OPCML: variants seen among roughly 807,000 people sequenced by gnomAD.
The protein encoded by OPCML is opioid-binding protein/cell adhesion molecule.
Under a neutral mutation model 37.8 loss-of-function variants are expected in OPCML, and 13 were observed. That is an observed-to-expected ratio of 0.34 (90% CI 0.22 to 0.55). The LOEUF (loss-of-function observed/expected upper bound fraction) is 0.55. Among genes scored for constraint, OPCML ranks in the 20% least tolerant of loss-of-function variants. OPCML has a pLI of 0.91. For synonymous variants in OPCML, 176 were observed against 168.8 expected (o/e 1.04, Z -0.33); for missense variants, 341 against 435.6 (o/e 0.78, Z 1.93).
chr11:132,587,046 C>G (rs1354132128), intron 3 of OPCML, among the ~76,000 whole-genome samples: 1 of 152,132 alleles, frequency 6.6e-6, no homozygotes, highest in Non-Finnish European at 1.5e-5. Context: ...TGACTGAGAT[C>G]CAGAATAGAA....
rs1252666052 is a variant in OPCML at position 132,570,757 on chromosome 11, A to G, written c.380-41571T>C. ...CAGGGGAATAGGCAGGAAAGAGAGT[A>G]TATATATATATATATATATATATAT... is the stretch of plus-strand genomic sequence containing the variant. On this transcript the variant is annotated intron_variant, in intron 3 of 7. Transcript: ENST00000524381. 1.6e-4 allele frequency among the ~76,000 whole-genome samples: 6 copies of G among 36,956 alleles called. No homozygotes were observed. The South Asian group carries it at 5.6e-3, about 35-fold the overall frequency. 24.2% of individuals were successfully genotyped at this position (36,956 alleles called of 152,430 possible).
chr11:133,006,182 C>T (rs1036104515), intron 1 of OPCML: 28 of 931,414 alleles, frequency 3.0e-5, no homozygotes, highest in African/African-American at 1.6e-4. Context: ...TTGGGAAGTT[C>T]GCGCCATCTG....
At chr11:133,125,258 C>G (rs1399783795) in intron 1 of OPCML, among the ~76,000 whole-genome samples, 1 of 151,968 alleles carries the variant, frequency 6.6e-6, no homozygotes, top group African/African-American at 2.4e-5. Context: ...ACATCCCTTC[C>G]CTGGATTCAG....
rs189608195 is a variant in OPCML, at chr11:132,849,914, G to T, written c.146+93012C>A. Among the ~76,000 whole-genome samples, 7 of 152,306 alleles carry T rather than the reference G, an allele frequency of 4.6e-5. No homozygotes were observed. In the East Asian group the frequency reaches 1.4e-3, roughly 29 times the overall value. The stretch of plus-strand genomic sequence containing the variant: ...TGAATGACTGTGAAACTGTGTCATG[G>T]ATCTCTAAGTTCTTTGCTGTGTCCA... On this transcript the variant is annotated intron_variant, in intron 2 of 7. Coordinates refer to ENST00000524381, the MANE Select transcript of OPCML (RefSeq NM_001012393.5).
chr11:133,070,436 T>C lies in OPCML; in HGVS notation c.62-127426A>G, dbSNP rs944329594. On this transcript the variant is annotated intron_variant, in intron 1 of 7. Coordinates refer to ENST00000524381, the MANE Select transcript of OPCML (RefSeq NM_001012393.5). ...TTTAGGCTCAAGATTTCATAATCTCTACCCAGCATCGCCTGGGAGAAAGTG... is the reference window on the plus strand; with the variant it reads ...TTTAGGCTCAAGATTTCATAATCTCCACCCAGCATCGCCTGGGAGAAAGTG... 2.0e-5 allele frequency among the ~76,000 whole-genome samples: 3 copies of C among 152,156 alleles called. No homozygotes were observed. The East Asian group carries it at 5.8e-4, about 29-fold the overall frequency.
intron 2 of OPCML, among the ~76,000 whole-genome samples, chr11:132,810,082 C>T (rs1477478497): frequency 1.3e-5 from 2 of 152,094 alleles, no homozygotes; most frequent in Non-Finnish European, 2.9e-5. Context: ...AAGTCCTAAC[C>T]TCGTGATCCG....
chr11:132,749,172 A>G (rs1425427778), intron 2 of OPCML, among the ~76,000 whole-genome samples: 1 of 152,184 alleles, frequency 6.6e-6, no homozygotes, highest in Non-Finnish European at 1.5e-5. Flanking sequence ...GATAGCTGTC[A>G]GTGCCCAGAA....
chr11:132,642,816 C>A (rs1349351633), intron 3 of OPCML, among the ~76,000 whole-genome samples: 1 of 152,172 alleles, frequency 6.6e-6, no homozygotes, highest in African/African-American at 2.4e-5. Flanking sequence ...GTGGTCAAAC[C>A]AGGAGTGAAA....
At chr11:133,463,018 T>G (rs1287066998) in intron 1 of OPCML, among the ~76,000 whole-genome samples, 1 of 149,228 alleles carries the variant, frequency 6.7e-6, no homozygotes, top group East Asian at 2.0e-4. Context: ...GGAAGAAAAT[T>G]ATGACACAAG....
rs533728290 is a variant in OPCML at position 132,443,383 on chromosome 11, G to T, written c.506-6024C>A. ...GTGGGCAGAGGGTGGCCACCCAGGG[G>T]TCTTTTTGGCTCACATGGTTGGGTT... On this transcript the variant is annotated intron_variant, in intron 4 of 7. Coordinates refer to ENST00000524381, the MANE Select transcript of OPCML (RefSeq NM_001012393.5). 3.3e-5 allele frequency among the ~76,000 whole-genome samples: 5 copies of T among 152,330 alleles called. No homozygotes were observed. The South Asian group carries it at 1.0e-3, about 32-fold the overall frequency.
chr11:132,654,116 G>T (rs1168268363), intron 3 of OPCML, among the ~76,000 whole-genome samples: 1 of 152,230 alleles, frequency 6.6e-6, no homozygotes, highest in Non-Finnish European at 1.5e-5. Flanking sequence ...AGCTGATGCT[G>T]CTGGGAGAAG....
At chr11:133,191,344 G>A (rs1038365943) in intron 1 of OPCML, among the ~76,000 whole-genome samples, 11 of 152,124 alleles carry the variant, frequency 7.2e-5, no homozygotes, top group African/African-American at 2.4e-4. Flanking sequence ...TAAAATGCAA[G>A]AGTTCCTTCC....
chr11:133,479,289 C>T (rs547693299), intron 1 of OPCML, among the ~76,000 whole-genome samples: 46 of 152,284 alleles, frequency 3.0e-4, no homozygotes, highest in African/African-American at 7.9e-4. Flanking sequence ...AGGATTCTCA[C>T]GCACAGTGGC....
At chr11:133,291,611 T>C (rs1942476437) in intron 1 of OPCML, among the ~76,000 whole-genome samples, 1 of 152,114 alleles carries the variant, frequency 6.6e-6, no homozygotes. Context: ...TTATTCCATC[T>C]CCCCACACTC....
intron 1 of OPCML, among the ~76,000 whole-genome samples, chr11:133,156,549 C>A (rs1398725409): frequency 6.6e-6 from 1 of 152,192 alleles, no homozygotes; most frequent in Non-Finnish European, 1.5e-5. Flanking sequence ...TTCTGGGGAG[C>A]AAGAGCCATG....
intron 1 of OPCML, among the ~76,000 whole-genome samples, chr11:133,396,374 AT>A (rs893468943): frequency 6.6e-6 from 1 of 151,536 alleles, no homozygotes; most frequent in Non-Finnish European, 1.5e-5. Context: ...AATGCCCTTT[AT>A]TTTTTTTCTC....
At chr11:132,586,941 G>C (rs1056006958) in intron 3 of OPCML, among the ~76,000 whole-genome samples, 1 of 152,186 alleles carries the variant, frequency 6.6e-6, no homozygotes, top group African/African-American at 2.4e-5. Context: ...CCCTCTGCAG[G>C]CTCTGGAGGC....
At chr11:132,427,163 A>G (rs1294512770) in intron 7 of OPCML, among the ~76,000 whole-genome samples, 1 of 152,242 alleles carries the variant, frequency 6.6e-6, no homozygotes, top group Non-Finnish European at 1.5e-5. Flanking sequence ...AAAGAAAAAA[A>G]AAGCCCCTAG....
At chr11:133,222,903 T>C (rs1396447800) in intron 1 of OPCML, among the ~76,000 whole-genome samples, 1 of 152,066 alleles carries the variant, frequency 6.6e-6, no homozygotes, top group East Asian at 1.9e-4. Flanking sequence ...TGGGAAGCAC[T>C]TGGAATGAGA....
Sources: allele counts gnomAD v4.1 joint callset (sites outside exome capture counted in the v4.1 genomes callset), GRCh38; gene constraint gnomAD v4.1.1; transcripts MANE v1.5; gene names NCBI Gene and HGNC (gene_info 2026-07-23, HGNC 2026-07-21).